NALCN: variants seen among roughly 807,000 people sequenced by gnomAD.
NALCN encodes sodium leak channel, non-selective.
Under a neutral mutation model 225.3 loss-of-function variants are expected in NALCN, and 111 were observed. That is an observed-to-expected ratio of 0.49 (90% CI 0.42 to 0.58). The LOEUF is 0.58. NALCN is among the 20% of genes least tolerant of loss of function. The pLI is 0.00. For synonymous variants in NALCN, 764 were observed against 769.0 expected (o/e 0.99, Z 0.11); for missense variants, 1,378 against 2,202.4 (o/e 0.63, Z 7.49).
At chr13:101,221,794 T>C (rs1413420207) in intron 13 of NALCN, among the ~76,000 whole-genome samples, 1 of 152,192 alleles carries the variant, frequency 6.6e-6, no homozygotes. Context: ...CGAGAAATGC[T>C]GTTGGCATGA....
intron 2 of NALCN, among the ~76,000 whole-genome samples, chr13:101,397,770 C>T (rs571926527): frequency 1.3e-5 from 2 of 151,880 alleles, no homozygotes; most frequent in East Asian, 3.9e-4. Context: ...TATAAAAATA[C>T]AGTTATTTAT....
intron 10 of NALCN, among the ~76,000 whole-genome samples, chr13:101,274,190 A>T (rs980319647): frequency 3.4e-4 from 52 of 152,182 alleles, no homozygotes; most frequent in African/African-American, 1.3e-3. Context: ...ATATGTTAGA[A>T]CACCTCTCTC....
intron 6 of NALCN, among the ~76,000 whole-genome samples, chr13:101,345,955 G>A (rs1459971558): frequency 6.8e-6 from 1 of 147,334 alleles, no homozygotes; most frequent in East Asian, 2.0e-4. Context: ...ATATAAGAAT[G>A]AGAAATGAGG....
intron 17 of NALCN, among the ~76,000 whole-genome samples, chr13:101,141,589 C>T (rs191399527): frequency 1.3e-4 from 19 of 148,446 alleles, no homozygotes; most frequent in Non-Finnish European, 1.9e-4. Flanking sequence ...GAGAGGTAAA[C>T]GGGAGTAGTA....
At chr13:101,176,794 A>G (rs527535155) in intron 14 of NALCN, among the ~76,000 whole-genome samples, 5 of 152,298 alleles carry the variant, frequency 3.3e-5, no homozygotes, top group Admixed American at 3.3e-4. Flanking sequence ...CAATACAGTT[A>G]TAGAGATTTA....
At chr13:101,269,392 CG>C (rs1346574193) in intron 10 of NALCN, among the ~76,000 whole-genome samples, 2 of 152,052 alleles carry the variant, frequency 1.3e-5, no homozygotes, top group Non-Finnish European at 1.5e-5. Flanking sequence ...AAAGTAGCCT[CG>C]GGGGTGAAAC....
intron 13 of NALCN, among the ~76,000 whole-genome samples, chr13:101,207,511 T>C (rs1323505358): frequency 6.6e-6 from 1 of 152,222 alleles, no homozygotes; most frequent in Non-Finnish European, 1.5e-5. Context: ...TTTCATTCTT[T>C]AAATATCCTT....
intron 15 of NALCN, among the ~76,000 whole-genome samples, chr13:101,150,249 G>T (rs1047475936): frequency 2.4e-4 from 37 of 152,268 alleles, no homozygotes; most frequent in Non-Finnish European, 4.9e-4. Context: ...CCTGGGTGGG[G>T]GTGGCGGGGA....
chr13:101,198,874 A>G (rs2039996938), intron 13 of NALCN, among the ~76,000 whole-genome samples: 1 of 152,226 alleles, frequency 6.6e-6, no homozygotes, highest in Non-Finnish European at 1.5e-5. Context: ...CACAATAGCA[A>G]AGACTTGGAA....
intron 7 of NALCN, among the ~76,000 whole-genome samples, chr13:101,339,437 G>A (rs1053286540): frequency 6.6e-6 from 1 of 152,170 alleles, no homozygotes; most frequent in African/African-American, 2.4e-5. Context: ...TCCTTAGGAA[G>A]GAGCCACAGG....
chr13:101,064,723 A>T (rs1298974206), intron 40 of NALCN, among the ~76,000 whole-genome samples: 2 of 152,128 alleles, frequency 1.3e-5, no homozygotes, highest in Non-Finnish European at 2.9e-5. Context: ...CTCAGAAGGA[A>T]TCAGCCCCGC....
chr13:101,315,283 C>T (rs1049837039), intron 7 of NALCN, among the ~76,000 whole-genome samples: 109 of 152,148 alleles, frequency 7.2e-4, no homozygotes, highest in Non-Finnish European at 1.3e-3. Flanking sequence ...AAGAAGAGAG[C>T]GAAAACTGTC....
intron 15 of NALCN, 77 bp from the exon 16 acceptor site, chr13:101,144,973 G>C (rs2037276210): frequency 6.9e-7 from 1 of 1,442,830 alleles, no homozygotes; most frequent in African/African-American, 1.4e-5. Flanking sequence ...ATTAGTTTTA[G>C]AATGGAAGCA....
chr13:101,180,159 A>G (rs959249239), intron 14 of NALCN, among the ~76,000 whole-genome samples: 5 of 145,562 alleles, frequency 3.4e-5, no homozygotes, highest in East Asian at 4.0e-4. Flanking sequence ...CCATGGTCCT[A>G]TCTTTTGTAG....
intron 15 of NALCN, among the ~76,000 whole-genome samples, chr13:101,174,185 T>C (rs2038864529): frequency 6.6e-6 from 1 of 152,198 alleles, no homozygotes. Context: ...AATAGATACA[T>C]AGTTTCAGTC....
chr13:101,095,874 A>G (rs1006696019), intron 27 of NALCN, among the ~76,000 whole-genome samples, 194 bp from the exon 28 acceptor site: 14 of 152,178 alleles, frequency 9.2e-5, no homozygotes, highest in Non-Finnish European at 5.9e-5. Context: ...TGCTGAGAAT[A>G]TTACTTAAAT....
intron 9 of NALCN, among the ~76,000 whole-genome samples, chr13:101,289,947 T>C (rs2043490385): frequency 6.6e-6 from 1 of 152,172 alleles, no homozygotes; most frequent in Non-Finnish European, 1.5e-5. Flanking sequence ...TGAAGCTCGT[T>C]GCTAGGCTGC....
intron 14 of NALCN, among the ~76,000 whole-genome samples, chr13:101,178,181 CCT>C (rs1251907886): frequency 2.0e-5 from 3 of 152,266 alleles, no homozygotes; most frequent in South Asian, 2.1e-4. Flanking sequence ...TCTACCTTCC[CCT>C]GTCTTGATTT....
chr13:101,306,851 C>A (rs893612004), intron 7 of NALCN, among the ~76,000 whole-genome samples: 1 of 152,142 alleles, frequency 6.6e-6, no homozygotes, highest in Non-Finnish European at 1.5e-5. Context: ...AATCCCCTGT[C>A]CCTATCAGGC....
Sources: allele counts gnomAD v4.1 joint callset (sites outside exome capture counted in the v4.1 genomes callset), GRCh38; gene constraint gnomAD v4.1.1; transcripts MANE v1.5; gene names NCBI Gene and HGNC (gene_info 2026-07-23, HGNC 2026-07-21).